SLC37A1: variants seen among roughly 807,000 people sequenced by gnomAD.
The protein encoded by SLC37A1 is solute carrier family 37 member 1, also known as glucose-6-phosphate exchanger SLC37A1.
A neutral mutation model predicts 75.3 loss-of-function variants in SLC37A1; 49 were observed. The observed-to-expected ratio is 0.65, with a 90% CI of 0.52 to 0.83. The LOEUF is 0.83. SLC37A1 is among the 40% of genes least tolerant of loss of function. SLC37A1 has a pLI of 0.00. For missense variants in SLC37A1, 566 were observed against 695.0 expected (o/e 0.81, Z 2.09); for synonymous variants, 268 against 292.1 (o/e 0.92, Z 0.84).
At chr21:42,543,708 G>A in intron 8 of SLC37A1, 106 bp downstream of exon 8, 6 of 1,172,868 alleles carry the variant, frequency 5.1e-6, no homozygotes, top group Non-Finnish European at 1.2e-6. Context: ...CTAGCGCCCT[G>A]TTTGCCCGTG....
chr21:42,568,823 G>A (rs74864028), intron 17 of SLC37A1, among the ~76,000 whole-genome samples: 2 of 152,318 alleles, frequency 1.3e-5, no homozygotes, highest in East Asian at 3.9e-4. Context: ...TACCAGCATC[G>A]TCGAAGCTCT....
chr21:42,529,242 G>A (rs1003972175), intron 3 of SLC37A1, among the ~76,000 whole-genome samples: 1 of 152,072 alleles, frequency 6.6e-6, no homozygotes, highest in Admixed American at 6.5e-5. Context: ...CTGGTTATTC[G>A]TCAGGAAGAA....
At position 42,570,173 on chromosome 21, in the gene SLC37A1, C is replaced by T. The variant is rs1161789106; in HGVS notation, c.1423+1735C>T. Reference sequence around the variant, plus strand: ...TCTGAGAAGCGGCGGGCAGGGTGGCCATTGCCATGTGACACATGGCCTGGT... The same window carrying T: ...TCTGAGAAGCGGCGGGCAGGGTGGCTATTGCCATGTGACACATGGCCTGGT... On this transcript the variant is annotated intron_variant, in intron 17 of 19. Transcript: ENST00000352133. Among the ~76,000 whole-genome samples the T allele has an allele frequency of 6.1e-3, 572 of 94,438 alleles. 54 individuals are homozygous for T. Among genetic ancestry groups the T allele is most frequent in the African/African-American group, 0.023 (466 of 20,056 alleles). The allele number at this position is 94,438 out of a possible 152,430, so 62.0% of individuals were successfully genotyped here.
At chr21:42,541,211 G>A (rs985257748) in intron 6 of SLC37A1, among the ~76,000 whole-genome samples, 1 of 152,256 alleles carries the variant, frequency 6.6e-6, no homozygotes, top group South Asian at 2.1e-4. Flanking sequence ...CCGCTGATCT[G>A]ACAGGAGGTG....
rs2055993352 is a variant in SLC37A1, at chr21:42,566,929, C to T, written c.1271-56C>T. 14 of 1,558,168 alleles carry T rather than the reference C, an allele frequency of 9.0e-6. No homozygotes were observed. In the South Asian group the frequency reaches 1.5e-4, roughly 17 times the overall value. On this transcript the variant is annotated intron_variant, in intron 15 of 19. Coordinates refer to ENST00000352133, the MANE Select transcript of SLC37A1 (RefSeq NM_001320537.2). ...GCGCCCACCTCAGGCTGCTCCTATG[C>T]ATGCGGGGCTCTCTGGAGGGCACAT...
At chr21:42,567,290 T>C (rs994941371) in intron 16 of SLC37A1, among the ~76,000 whole-genome samples, 1 of 152,344 alleles carries the variant, frequency 6.6e-6, no homozygotes. Flanking sequence ...CAAAAGGCTC[T>C]TGGGCGCCAT....
At chr21:42,504,926 C>T (rs1345318010) in intron 2 of SLC37A1, among the ~76,000 whole-genome samples, 1 of 152,142 alleles carries the variant, frequency 6.6e-6, no homozygotes, top group Non-Finnish European at 1.5e-5. Flanking sequence ...TTTCCTTCCC[C>T]CTTCCCCAAC....
chr21:42,579,043 C>T (rs1291586721), intron 18 of SLC37A1, among the ~76,000 whole-genome samples: 1 of 152,250 alleles, frequency 6.6e-6, no homozygotes, highest in Non-Finnish European at 1.5e-5. Context: ...TGGATCCACA[C>T]TGGAAAATGC....
chr21:42,535,511 A>G lies in SLC37A1; in HGVS notation c.311A>G (p.Tyr104Cys). The change falls in exon 5 of 20, where the codon TAC (tyrosine) becomes TGC (cysteine). Residue 104 changes from tyrosine (Y) to cysteine (C), a missense_variant. Physicochemically the swap from Tyr to Cys is radical, Grantham distance 194 (BLOSUM62 -2). Coordinates refer to ENST00000352133, the MANE Select transcript of SLC37A1 (RefSeq NM_001320537.2). ...NYQQLLGALD[Y>C]SFLCAYAVGM... ...CAGCAGCTGCTTGGGGCCCTGGACT[A>G]CTCCTTCCTGTGCGCCTATGCCGTG... 3 of 1,613,556 alleles carry G rather than the reference A, an allele frequency of 1.9e-6. No homozygotes were observed. Among genetic ancestry groups the G allele is most frequent in the South Asian group, 1.1e-5 (1 of 91,054 alleles).
chr21:42,569,727 T>C (rs1470919043), intron 17 of SLC37A1, among the ~76,000 whole-genome samples: 1 of 152,240 alleles, frequency 6.6e-6, no homozygotes, highest in African/African-American at 2.4e-5. Context: ...ACTCCTCTGT[T>C]TTGTCTCCTC....
intron 12 of SLC37A1, 99 bp downstream of exon 12, chr21:42,562,267 A>T (rs566786668): frequency 3.8e-6 from 4 of 1,047,526 alleles, no homozygotes; most frequent in East Asian, 4.8e-5. Flanking sequence ...ACACAAGGTC[A>T]TGAAGGGTGA....
rs141419897 is a variant in SLC37A1 at position 42,545,276 on chromosome 21, C to A, written c.730+1674C>A. Among the ~76,000 whole-genome samples the A allele has an allele frequency of 6.6e-6, 1 of 152,226 alleles. No individual in the cohort carries two copies. Among genetic ancestry groups the A allele is most frequent in the Non-Finnish European group, 1.5e-5 (1 of 68,010 alleles). ...AGGGAATCTTTCTGACACTCTTTCC[C>A]CTTGTGCCTGGGAGGTGCACTGTGT... On this transcript the variant is annotated intron_variant, in intron 8 of 19. Transcript: ENST00000352133. The surrounding 1 kb of genome is among the most constrained non-coding windows in gnomAD (Gnocchi z 4.0).
rs1381058674 is a variant in SLC37A1 at position 42,564,781 on chromosome 21, C to G, written c.1209C>G (p.Leu403=). ...CCACCTGCGGCCTGATGCTGCTGCT[C>G]GCGGCCCCCACGGTCAGCCGTGCTG... ...RASTCGLMLL[L]AAPTLYIFST... The change falls in exon 14 of 20, where the codon CTC becomes CTG. Residue 403 remains leucine (L), a synonymous_variant. Transcript: ENST00000352133. 6.2e-7 allele frequency: 1 copy of G among 1,606,202 alleles called. No homozygotes were observed. The highest frequency in any genetic ancestry group is 1.7e-5 in the Admixed American group (1 of 60,028).
At chr21:42,540,427 G>C (rs1017548361) in intron 6 of SLC37A1, among the ~76,000 whole-genome samples, 3 of 152,168 alleles carry the variant, frequency 2.0e-5, no homozygotes, top group African/African-American at 7.2e-5. Context: ...AGAGGAAAAA[G>C]GGGGAGACCT....
chr21:42,503,971 G>A (rs911873286), intron 2 of SLC37A1, among the ~76,000 whole-genome samples: 10 of 152,208 alleles, frequency 6.6e-5, no homozygotes, highest in Non-Finnish European at 1.3e-4. Context: ...GAACATCTCA[G>A]TGCTGTTATC....
At chr21:42,556,461 C>T (rs764069138) in intron 10 of SLC37A1, among the ~76,000 whole-genome samples, 9 of 152,212 alleles carry the variant, frequency 5.9e-5, no homozygotes, top group Non-Finnish European at 1.2e-4. Context: ...CATCGGGTAG[C>T]GGGGTGAGCT....
At chr21:42,525,991 T>G in intron 3 of SLC37A1, 134 bp downstream of exon 3, 1 of 603,476 alleles carries the variant, frequency 1.7e-6, no homozygotes, top group Non-Finnish European at 2.9e-6. Context: ...ATTCTGCTGC[T>G]TTGGCTTTTC....
At position 42,518,447 on chromosome 21, in the gene SLC37A1, C is replaced by A; in HGVS notation, c.-8C>A. 1.9e-6 allele frequency: 3 copies of A among 1,613,998 alleles called. No homozygotes were observed. Among genetic ancestry groups the A allele is most frequent in the Middle Eastern group, 1.6e-4 (1 of 6,062 alleles). On this transcript the variant is annotated 5_prime_UTR_variant, in exon 2 of 20. Coordinates refer to ENST00000352133, the MANE Select transcript of SLC37A1 (RefSeq NM_001320537.2). ...GCGACCGAGGCTCAGTGGTCAGTGG[C>A]GACGTAAATGGCTCGACTCCCCGCT...
intron 9 of SLC37A1, 114 bp from the exon 10 acceptor site, chr21:42,553,948 G>A (rs2055618325): frequency 1.4e-6 from 1 of 710,272 alleles, no homozygotes; most frequent in Non-Finnish European, 2.3e-6. Context: ...GTTGTCTTAT[G>A]TCCTCTTGGT....
Sources: allele counts gnomAD v4.1 joint callset (sites outside exome capture counted in the v4.1 genomes callset), GRCh38; gene constraint gnomAD v4.1.1; non-coding constraint Gnocchi (gnomAD v3.1); transcripts MANE v1.5; gene names NCBI Gene and HGNC (gene_info 2026-07-23, HGNC 2026-07-21).